ZNRF2: variants seen among roughly 807,000 people sequenced by gnomAD.
ZNRF2 encodes E3 ubiquitin-protein ligase ZNRF2.
Under a neutral mutation model 20.4 loss-of-function variants are expected in ZNRF2, and 16 were observed. The observed-to-expected ratio is 0.79, with a 90% CI of 0.53 to 1.19. The LOEUF is 1.19. Among genes scored for constraint, ZNRF2 ranks in the 50% most tolerant of loss-of-function variants. The probability of loss-of-function intolerance (pLI) is 0.00; values close to 1 mark genes in which losing one functional copy is unlikely to be tolerated. For missense variants in ZNRF2, 363 were observed against 332.4 expected (o/e 1.09, Z -0.72); for synonymous variants, 178 against 144.9 (o/e 1.23, Z -1.64).
rs75044953 is a variant in ZNRF2, at chr7:30,310,923, G to A, written c.470-12719G>A. Among the ~76,000 whole-genome samples, 1,016 of 152,244 alleles carry A rather than the reference G, an allele frequency of 6.7e-3. 16 individuals are homozygous for A. The highest frequency in any genetic ancestry group is 0.023 in the African/African-American group (975 of 41,544). On this transcript the variant is annotated intron_variant, in intron 1 of 4. Coordinates refer to ENST00000323037, the MANE Select transcript of ZNRF2 (RefSeq NM_147128.4). ...TGGAACATGAGCTGTACAGGGGATC[G>A]AGGTCCCAAGTTTGGGGTTGAAAGA... is the stretch of plus-strand genomic sequence containing the variant.
intron 2 of ZNRF2, among the ~76,000 whole-genome samples, chr7:30,325,613 T>A (rs939966935): frequency 1.3e-5 from 2 of 152,214 alleles, no homozygotes; most frequent in African/African-American, 4.8e-5. Context: ...GTTTTGCAAG[T>A]TGATCTAAGA....
intron 1 of ZNRF2, among the ~76,000 whole-genome samples, chr7:30,311,546 A>C (rs1262258340): frequency 6.6e-6 from 1 of 152,190 alleles, no homozygotes; most frequent in Non-Finnish European, 1.5e-5. Flanking sequence ...TGGGAAAGAA[A>C]GTTAATGACT....
intron 1 of ZNRF2, among the ~76,000 whole-genome samples, chr7:30,306,013 C>T (rs911025194): frequency 2.0e-5 from 3 of 152,064 alleles, no homozygotes; most frequent in Admixed American, 6.5e-5. Flanking sequence ...GGGGCTTTGG[C>T]CCAGTCATCT....
chr7:30,290,544 G>A (rs146341671), intron 1 of ZNRF2, among the ~76,000 whole-genome samples: 19 of 152,344 alleles, frequency 1.2e-4, no homozygotes, highest in South Asian at 4.1e-4. Context: ...TTCAAAGTAA[G>A]CAAAGGAAAG....
chr7:30,315,739 GGTT>G (rs1799362440), intron 1 of ZNRF2, among the ~76,000 whole-genome samples: 2 of 88,664 alleles, frequency 2.3e-5, no homozygotes, highest in African/African-American at 3.7e-5. Context: ...GGGGGGGGGG[GGTT>G]GGGTATAAAG....
chr7:30,333,694 A>G (rs1190193337), intron 2 of ZNRF2, among the ~76,000 whole-genome samples: 3 of 152,176 alleles, frequency 2.0e-5, no homozygotes, highest in African/African-American at 7.2e-5. Context: ...AATAGTAGTC[A>G]TTCTGACTTG....
intron 1 of ZNRF2, among the ~76,000 whole-genome samples, chr7:30,300,379 C>G (rs1336437524): frequency 2.6e-5 from 4 of 151,992 alleles, no homozygotes; most frequent in Non-Finnish European, 5.9e-5. Flanking sequence ...GGTCTCTTGA[C>G]CTCGTGATCC....
intron 2 of ZNRF2, among the ~76,000 whole-genome samples, chr7:30,333,229 G>C (rs1049440522): frequency 7.3e-5 from 11 of 151,096 alleles, no homozygotes; most frequent in South Asian, 2.1e-4. Context: ...AATTTTTGTA[G>C]TTTTAGTAGA....
At chr7:30,323,094 A>G (rs1799500361) in intron 1 of ZNRF2, among the ~76,000 whole-genome samples, 1 of 152,212 alleles carries the variant, frequency 6.6e-6, no homozygotes, top group Non-Finnish European at 1.5e-5. Context: ...ATGGTGTGGC[A>G]GAAAGACCAT....
At chr7:30,330,013 A>G (rs1370146232) in intron 2 of ZNRF2, among the ~76,000 whole-genome samples, 1 of 152,204 alleles carries the variant, frequency 6.6e-6, no homozygotes, top group Non-Finnish European at 1.5e-5. Context: ...CAATAAGATC[A>G]TATCTTATTG....
At chr7:30,336,233 A>G (rs1378678295) in intron 2 of ZNRF2, among the ~76,000 whole-genome samples, 1 of 152,172 alleles carries the variant, frequency 6.6e-6, no homozygotes, top group Non-Finnish European at 1.5e-5. Context: ...AACTTTTAAA[A>G]GTGCTCCCCC....
At chr7:30,302,172 G>A (rs1168576944) in intron 1 of ZNRF2, among the ~76,000 whole-genome samples, 1 of 152,172 alleles carries the variant, frequency 6.6e-6, no homozygotes, top group East Asian at 1.9e-4. Flanking sequence ...ATTACTGTAT[G>A]TAGCAAGGAC....
chr7:30,353,690 T>C (rs531758215), intron 2 of ZNRF2, among the ~76,000 whole-genome samples: 6 of 152,166 alleles, frequency 3.9e-5, no homozygotes, highest in Non-Finnish European at 7.4e-5. Context: ...TGAAGAGCTC[T>C]GAAAATGAGA....
intron 2 of ZNRF2, among the ~76,000 whole-genome samples, chr7:30,351,095 C>A (rs1392534131): frequency 2.7e-5 from 4 of 149,778 alleles, no homozygotes; most frequent in Non-Finnish European, 4.4e-5. Context: ...TGTGCTTGGA[C>A]CTGCTAAGTA....
chr7:30,331,736 A>G (rs375672675), intron 2 of ZNRF2, among the ~76,000 whole-genome samples: 1 of 152,228 alleles, frequency 6.6e-6, no homozygotes, highest in South Asian at 2.1e-4. Flanking sequence ...ATAAAAATAA[A>G]TCCATATCTA....
intron 1 of ZNRF2, among the ~76,000 whole-genome samples, chr7:30,302,318 A>G (rs1429352874): frequency 6.6e-6 from 1 of 152,178 alleles, no homozygotes; most frequent in Non-Finnish European, 1.5e-5. Context: ...AATGTTCTCT[A>G]ATATCATGCA....
At chr7:30,302,126 G>A (rs1253981387) in intron 1 of ZNRF2, among the ~76,000 whole-genome samples, 3 of 152,200 alleles carry the variant, frequency 2.0e-5, no homozygotes. Context: ...CTGTGTCCAT[G>A]TACTTAATAT....
chr7:30,344,240 T>C (rs1167141734), intron 2 of ZNRF2, among the ~76,000 whole-genome samples: 1 of 151,642 alleles, frequency 6.6e-6, no homozygotes, highest in East Asian at 1.9e-4. Context: ...TGTTTCTTTT[T>C]TTTTTTTTAA....
chr7:30,297,392 G>T (rs997813428), intron 1 of ZNRF2, among the ~76,000 whole-genome samples: 15 of 152,030 alleles, frequency 9.9e-5, no homozygotes, highest in Admixed American at 2.6e-4. Context: ...GTTCTCCATT[G>T]TTTTTAGCCG....
Sources: gnomAD v4.1 joint callset for allele counts (sites outside exome capture counted in the v4.1 genomes callset) on GRCh38, gnomAD v4.1.1 for gene constraint, MANE v1.5 for transcripts, NCBI Gene and HGNC (gene_info 2026-07-23, HGNC 2026-07-21) for gene names.